Variants in TRABD2B observed in about 807,000 individuals in gnomAD.
TRABD2B encodes TraB domain containing 2B.
Under a neutral mutation model 40.1 loss-of-function variants are expected in TRABD2B, and 14 were observed. The ratio of observed to expected loss-of-function variants is 0.35; its 90% CI spans 0.23 to 0.55. The LOEUF (loss-of-function observed/expected upper bound fraction) is 0.55. Among genes scored for constraint, TRABD2B ranks in the 20% least tolerant of loss-of-function variants. The pLI is 0.90. For synonymous variants in TRABD2B, 263 were observed against 277.0 expected, an observed-to-expected ratio of 0.95 and a Z score of 0.50; for missense variants, 541 against 648.6, an observed-to-expected ratio of 0.83 and a Z score of 1.80.
chr1:47,767,191 G>T (rs993390608), intron 6 of TRABD2B, among the ~76,000 whole-genome samples: 1 of 152,182 alleles, frequency 6.6e-6, no homozygotes, highest in African/African-American at 2.4e-5. Context: ...AGAGAAACAG[G>T]CTGGGCCCTG....
At chr1:47,798,551 G>T (rs1462838492) in intron 3 of TRABD2B, among the ~76,000 whole-genome samples, 2 of 152,160 alleles carry the variant, frequency 1.3e-5, no homozygotes, top group Admixed American at 1.3e-4. Flanking sequence ...GGTGCCCCTG[G>T]CCCCTTTCCC....
chr1:47,987,387 A>G (rs1645934410), intron 2 of TRABD2B, among the ~76,000 whole-genome samples: 1 of 152,028 alleles, frequency 6.6e-6, no homozygotes, highest in African/African-American at 2.4e-5. Flanking sequence ...ATGTTCTGAG[A>G]TTTCACCATT....
chr1:47,866,237 C>G (rs936713429), intron 2 of TRABD2B, among the ~76,000 whole-genome samples: 3 of 151,750 alleles, frequency 2.0e-5, no homozygotes, highest in African/African-American at 7.3e-5. Flanking sequence ...AGTCGATGTC[C>G]GAGGGGCTCT....
intron 2 of TRABD2B, among the ~76,000 whole-genome samples, chr1:47,846,857 T>TACACACACAC (rs67359073): frequency 0.026 from 2,770 of 106,440 alleles, 66 homozygotes; most frequent in African/African-American, 0.051. Context: ...AAAACATGCA[T>TACACACACAC]ACACACACAC....
At chr1:47,859,211 ATCCT>A (rs925746413) in intron 2 of TRABD2B, among the ~76,000 whole-genome samples, 2 of 151,838 alleles carry the variant, frequency 1.3e-5, no homozygotes, top group African/African-American at 4.8e-5. Flanking sequence ...TGTTTCCCCC[ATCCT>A]TCCTTTCTTT....
intron 2 of TRABD2B, among the ~76,000 whole-genome samples, chr1:47,809,790 T>C (rs1644939155): frequency 6.6e-6 from 1 of 152,300 alleles, no homozygotes; most frequent in East Asian, 1.9e-4. Flanking sequence ...CCTGGAGCTG[T>C]GGACTGGCTC....
intron 2 of TRABD2B, among the ~76,000 whole-genome samples, chr1:47,851,007 C>T (rs771017291): frequency 2.6e-5 from 4 of 151,954 alleles, no homozygotes; most frequent in African/African-American, 9.7e-5. Context: ...TGACAGGAGG[C>T]GGAGCTCAGG....
rs115852093 is a variant in TRABD2B, at chr1:47,795,343, G to A, written c.814-583C>T. 7.4e-3 allele frequency among the ~76,000 whole-genome samples: 1,121 copies of A among 152,344 alleles called. 14 individuals are homozygous for A. Among genetic ancestry groups the A allele is most frequent in the African/African-American group, 0.025 (1,057 of 41,580 alleles). On this transcript the variant is annotated intron_variant, in intron 3 of 6. Transcript: ENST00000606738. ...ATGTGTTGCTCTGCCTTGTGTCTCT[G>A]CCCTGCTGAACCTCAGCAGATGCTG...
At position 47,808,765 on chromosome 1, in the gene TRABD2B, T is replaced by A. The variant is rs959867267; in HGVS notation, c.667-7146A>T. On this transcript the variant is annotated intron_variant, in intron 2 of 6. Coordinates refer to ENST00000606738, the MANE Select transcript of TRABD2B (RefSeq NM_001194986.2). The stretch of plus-strand genomic sequence containing the variant: ...TTCAAACTCAGGTCCAGCTGGCAGG[T>A]CTGGGTTCTTTCTGCTGTCCCTGGT... Among the ~76,000 whole-genome samples the A allele has an allele frequency of 3.9e-5, 6 of 152,046 alleles. No homozygotes were observed. In the South Asian group the frequency reaches 1.2e-3, roughly 32 times the overall value.
At chr1:47,905,654 C>T (rs1363680731) in intron 2 of TRABD2B, among the ~76,000 whole-genome samples, 1 of 152,214 alleles carries the variant, frequency 6.6e-6, no homozygotes, top group African/African-American at 2.4e-5. Flanking sequence ...ACTCTCTTGA[C>T]ATTCTCCTTT....
chr1:47,880,040 C>T (rs1220639582), intron 2 of TRABD2B, among the ~76,000 whole-genome samples: 3 of 152,194 alleles, frequency 2.0e-5, no homozygotes, highest in Non-Finnish European at 4.4e-5. Flanking sequence ...CCAGGAGCAG[C>T]GGCTCACGCC....
chr1:47,846,894 A>ACACACACACACACACACACACT, intron 2 of TRABD2B, among the ~76,000 whole-genome samples: 1 of 145,704 alleles, frequency 6.9e-6, no homozygotes, highest in East Asian at 2.1e-4. Flanking sequence ...ACACACACAC[A>ACACACACACACACACACACACT]CAAATGAGGG....
In TRABD2B at chr1:47,920,120, C is replaced by G. The variant is rs567455706; in HGVS notation, c.666+73914G>C. On this transcript the variant is annotated intron_variant, in intron 2 of 6. Coordinates refer to ENST00000606738, the MANE Select transcript of TRABD2B (RefSeq NM_001194986.2). Reference sequence around the variant, plus strand: ...AGTAAGATGAGACTCATTATGGCACCTGTATCATAGGGTTTTCCTGAGGAT... The same window carrying G: ...AGTAAGATGAGACTCATTATGGCACGTGTATCATAGGGTTTTCCTGAGGAT... Among the ~76,000 whole-genome samples, 5 of 152,326 alleles carry G rather than the reference C, an allele frequency of 3.3e-5. No homozygotes were observed. The East Asian group carries it at 9.6e-4, about 29-fold the overall frequency.
chr1:47,835,624 GC>G (rs1645308420), intron 2 of TRABD2B, among the ~76,000 whole-genome samples: 1 of 152,172 alleles, frequency 6.6e-6, no homozygotes, highest in Non-Finnish European at 1.5e-5. Flanking sequence ...ATTAAAAAGT[GC>G]TAAAAGGAAA....
intron 2 of TRABD2B, among the ~76,000 whole-genome samples, chr1:47,850,520 C>T (rs1431315419): frequency 6.6e-6 from 1 of 152,242 alleles, no homozygotes; most frequent in Non-Finnish European, 1.5e-5. Context: ...CCTAAGGGCA[C>T]ATTGCATGGA....
chr1:47,887,125 T>C (rs753807839), intron 2 of TRABD2B, among the ~76,000 whole-genome samples: 1 of 152,148 alleles, frequency 6.6e-6, no homozygotes, highest in Non-Finnish European at 1.5e-5. Flanking sequence ...GTAAATCTAG[T>C]GATAATAATT....
intron 2 of TRABD2B, among the ~76,000 whole-genome samples, chr1:47,807,019 G>A (rs1170059924): frequency 1.3e-5 from 2 of 152,158 alleles, no homozygotes; most frequent in African/African-American, 2.4e-5. Flanking sequence ...TAGGTGCTGG[G>A]GAGTTAGCCA....
At chr1:47,905,230 A>G (rs1405906635) in intron 2 of TRABD2B, among the ~76,000 whole-genome samples, 1 of 152,250 alleles carries the variant, frequency 6.6e-6, no homozygotes, top group Non-Finnish European at 1.5e-5. Context: ...CAGGTTCTCA[A>G]TAAATAGTGG....
chr1:47,909,290 C>T (rs1644718468), intron 2 of TRABD2B, among the ~76,000 whole-genome samples: 1 of 152,106 alleles, frequency 6.6e-6, no homozygotes, highest in African/African-American at 2.4e-5. Context: ...GCAAGCATTA[C>T]AAGAAGCATG....
Sources: allele counts gnomAD v4.1 joint callset (sites outside exome capture counted in the v4.1 genomes callset), GRCh38; gene constraint gnomAD v4.1.1; transcripts MANE v1.5; gene names NCBI Gene and HGNC (gene_info 2026-07-23, HGNC 2026-07-21).